Variants in ZNF140 observed in about 807,000 individuals in gnomAD.
The protein encoded by ZNF140 is zinc finger protein 140 (clone pHZ-39).
A neutral mutation model predicts 12.9 loss-of-function variants in ZNF140; 13 were observed. That is an observed-to-expected ratio of 1.01 (90% CI 0.66 to 1.60). ZNF140 has a LOEUF of 1.60. ZNF140 is among the 40% of genes most tolerant of loss of function. The pLI, the probability that ZNF140 is intolerant of heterozygous loss-of-function variation, is 0.00. For synonymous variants in ZNF140, 214 were observed against 186.7 expected, an observed-to-expected ratio of 1.15 and a Z score of -1.19; for missense variants, 531 against 548.8, an observed-to-expected ratio of 0.97 and a Z score of 0.32.
At chr12:133,096,149 G>A (rs1252909424) in intron 4 of ZNF140, among the ~76,000 whole-genome samples, 11 of 150,176 alleles carry the variant, frequency 7.3e-5, no homozygotes, top group Non-Finnish European at 1.5e-4. Context: ...CGCTTCCAAG[G>A]GCAGAGGTCC....
chr12:133,090,519 C>T (rs1230404809), intron 4 of ZNF140, among the ~76,000 whole-genome samples: 8 of 151,980 alleles, frequency 5.3e-5, no homozygotes, highest in African/African-American at 1.5e-4. Flanking sequence ...TGACATAGAA[C>T]GTAGATGATT....
At chr12:133,090,759 G>C (rs1002017029) in intron 4 of ZNF140, among the ~76,000 whole-genome samples, 2 of 145,908 alleles carry the variant, frequency 1.4e-5, no homozygotes, top group African/African-American at 5.1e-5. Flanking sequence ...TAGTAGGAGA[G>C]CAGGGTGATA....
Position 133,106,646 on chromosome 12 carries a change from C to T in ZNF140, c.1369C>T (p.Gln457Ter), listed in dbSNP as rs746450877. The T allele has an allele frequency of 5.1e-6, 8 of 1,574,184 alleles. No individual in the cohort carries two copies. The East Asian group carries it at 1.8e-4, about 35-fold the overall frequency. The change falls in exon 5 of 5, where the codon CAG (glutamine) becomes TAG (stop). Residue 457 changes from glutamine (Q) to a stop codon, truncating the protein, a stop_gained. Transcript: ENST00000355557. LOFTEE classifies it high-confidence loss of function. ...FNYHSFLTEH[Q>*] ...TTACCACTCATTCCTTACTGAACAC[C>T]AGTGAATTTACACTGCAAAGAAAAA... is the stretch of plus-strand genomic sequence containing the variant.
chr12:133,107,315 C>T lies in ZNF140; in HGVS notation c.*664C>T, dbSNP rs142978092. On this transcript the variant is annotated 3_prime_UTR_variant, in exon 5 of 5. Coordinates refer to ENST00000355557, the MANE Select transcript of ZNF140 (RefSeq NM_003440.4). The stretch of plus-strand genomic sequence containing the variant: ...AAATCTCCTTAGATATCTGAAAAGT[C>T]ATACTGGATGGAATCTGTAGGAAAC... 6.6e-6 allele frequency: 1 copy of T among 152,314 alleles called. No homozygotes were observed. The highest frequency in any genetic ancestry group is 1.9e-4 in the East Asian group (1 of 5,192). 9.4% of individuals were successfully genotyped at this position (152,314 alleles called of 1,614,324 possible). A position where few individuals can be genotyped will look rare whatever the true frequency, so the allele number is the denominator to read the frequency against.
chr12:133,089,087 G>A (rs963512365), intron 4 of ZNF140, among the ~76,000 whole-genome samples: 27 of 152,136 alleles, frequency 1.8e-4, no homozygotes, highest in African/African-American at 6.5e-4. Context: ...GAGTGGGGAA[G>A]TTTTCCCTCC....
intron 4 of ZNF140, among the ~76,000 whole-genome samples, chr12:133,090,844 G>C (rs1177544833): frequency 2.3e-5 from 3 of 129,226 alleles, no homozygotes; most frequent in Non-Finnish European, 5.2e-5. Flanking sequence ...AAGGTACTAT[G>C]CCTAGATGTG....
chr12:133,105,383 C>T, intron 4 of ZNF140, 127 bp from the exon 5 acceptor site: 2 of 943,640 alleles, frequency 2.1e-6, no homozygotes, highest in Non-Finnish European at 3.1e-6. Flanking sequence ...ATTTCAGTCA[C>T]AGCTGTGAAA....
intron 4 of ZNF140, 67 bp downstream of exon 4, chr12:133,083,628 A>G (rs1218488166): frequency 1.4e-6 from 2 of 1,433,728 alleles, no homozygotes; most frequent in Non-Finnish European, 1.9e-6. Context: ...AAAAAGGAAT[A>G]CTTTTTAATA....
At chr12:133,084,680 G>C (rs960525738) in intron 4 of ZNF140, among the ~76,000 whole-genome samples, 37 of 152,250 alleles carry the variant, frequency 2.4e-4, no homozygotes, top group South Asian at 8.3e-4. Flanking sequence ...TTTAATGGAG[G>C]TACACTGATT....
chr12:133,101,593 C>T (rs778635755), intron 4 of ZNF140, among the ~76,000 whole-genome samples: 11 of 152,020 alleles, frequency 7.2e-5, no homozygotes, highest in African/African-American at 2.4e-4. Flanking sequence ...TACAGGCAGT[C>T]GCTACCACGC....
chr12:133,091,016 T>A (rs1014327527), intron 4 of ZNF140, among the ~76,000 whole-genome samples: 1 of 148,942 alleles, frequency 6.7e-6, no homozygotes, highest in Non-Finnish European at 1.5e-5. Flanking sequence ...ACCGAGACAT[T>A]CAGTTCCCAG....
At chr12:133,101,969 T>C (rs1009056025) in intron 4 of ZNF140, among the ~76,000 whole-genome samples, 2 of 152,134 alleles carry the variant, frequency 1.3e-5, no homozygotes, top group Non-Finnish European at 2.9e-5. Flanking sequence ...CTTTTTTTTT[T>C]TTGCCATTTA....
intron 4 of ZNF140, among the ~76,000 whole-genome samples, chr12:133,096,026 C>A (rs1213781494): frequency 2.2e-4 from 33 of 151,152 alleles, no homozygotes; most frequent in Non-Finnish European, 1.5e-5. Flanking sequence ...TTTTACCAAT[C>A]CACCTCAGCA....
chr12:133,082,179 T>G (rs1434758075), intron 2 of ZNF140: 2 of 152,242 alleles, frequency 1.3e-5, no homozygotes, highest in African/African-American at 4.8e-5. Context: ...CTCATTTCAG[T>G]TCCACTTCTT....
Position 133,101,415 on chromosome 12 carries a change from T to TAA in ZNF140, c.233-4094_233-4093insAA, listed in dbSNP as rs148841855. On this transcript the variant is annotated intron_variant, in intron 4 of 4. Transcript: ENST00000355557. The stretch of plus-strand genomic sequence containing the variant: ...TATTGAGATATCTACACAGAATACT[T>TAA]ATGAGCCCATTGAAGGCATTCTTTA... Among the ~76,000 whole-genome samples the TAA allele has an allele frequency of 5.5e-3, 833 of 152,294 alleles. 12 individuals carry two copies. Among genetic ancestry groups the TAA allele is most frequent in the African/African-American group, 0.019 (803 of 41,568 alleles).
intron 4 of ZNF140, among the ~76,000 whole-genome samples, chr12:133,097,606 G>A (rs1417441704): frequency 6.7e-6 from 1 of 150,362 alleles, no homozygotes; most frequent in Non-Finnish European, 1.5e-5. Context: ...TCACACCACT[G>A]CACTCCAGCC....
intron 4 of ZNF140, among the ~76,000 whole-genome samples, chr12:133,098,841 T>G (rs1287029023): frequency 2.0e-5 from 3 of 151,690 alleles, no homozygotes; most frequent in African/African-American, 4.8e-5. Context: ...TAGCTGGGAC[T>G]ATAGGTGTGT....
chr12:133,087,604 T>C (rs991183399), intron 4 of ZNF140, among the ~76,000 whole-genome samples: 3 of 151,992 alleles, frequency 2.0e-5, no homozygotes, highest in Middle Eastern at 3.4e-3. Flanking sequence ...CTCCACTGCA[T>C]TCAGACCAGC....
chr12:133,082,937 A>T, intron 2 of ZNF140, 166 bp from the exon 3 acceptor site: 2 of 938,554 alleles, frequency 2.1e-6, no homozygotes. Context: ...ACAACAAAAC[A>T]CAAGAGCTAG....
Sources: gnomAD v4.1 joint callset for allele counts (sites outside exome capture counted in the v4.1 genomes callset) on GRCh38, gnomAD v4.1.1 for gene constraint, MANE v1.5 for transcripts, NCBI Gene and HGNC (gene_info 2026-07-23, HGNC 2026-07-21) for gene names.